FAS: variants seen among roughly 807,000 people sequenced by gnomAD.
The protein encoded by FAS is tumor necrosis factor receptor superfamily member 6.
A neutral mutation model predicts 33.2 loss-of-function variants in FAS; 5 were observed. That is an observed-to-expected ratio of 0.15 (90% CI 0.08 to 0.32). FAS has a LOEUF of 0.32. Ranked by LOEUF, FAS falls within the 10% of genes least tolerant of loss-of-function variation. The pLI, the probability that FAS is intolerant of heterozygous loss-of-function variation, is 1.00. For missense variants in FAS, 339 were observed against 386.0 expected, an observed-to-expected ratio of 0.88 and a Z score of 1.02; for synonymous variants, 131 against 130.7, an observed-to-expected ratio of 1.00 and a Z score of -0.01.
At chr10:89,010,512 G>A (rs775706219) in intron 4 of FAS, 27 bp from the exon 5 acceptor site, 24 of 1,600,232 alleles carry the variant, frequency 1.5e-5, no homozygotes, top group South Asian at 3.3e-5. Context: ...CCAGGCTTTT[G>A]AATTTCTCCT....
intron 3 of FAS, 125 bp from the exon 4 acceptor site, chr10:89,008,764 G>C: frequency 1.2e-6 from 1 of 862,722 alleles, no homozygotes; most frequent in South Asian, 1.3e-5. Flanking sequence ...TGTATTACTG[G>C]TGTCATGCTG....
chr10:88,986,067 G>T (rs933977745), upstream of FAS, among the ~76,000 whole-genome samples: 5 of 152,120 alleles, frequency 3.3e-5, no homozygotes, highest in East Asian at 9.6e-4. Context: ...AACAAAATAA[G>T]TTGACTTAAA....
chr10:89,010,113 G>A (rs1157175443), intron 4 of FAS, among the ~76,000 whole-genome samples: 2 of 152,162 alleles, frequency 1.3e-5, no homozygotes, highest in Non-Finnish European at 1.5e-5. Context: ...TACCCTCCCT[G>A]AGCTACATCA....
At chr10:89,011,090 A>G (rs1032092306) in intron 6 of FAS, 1 of 522,924 alleles carries the variant, frequency 1.9e-6, no homozygotes, top group Non-Finnish European at 3.4e-6. Flanking sequence ...GCCAAAAATC[A>G]GAAGCAATTC....
chr10:88,979,654 G>A (rs1194097477), intron 2 of FAS, among the ~76,000 whole-genome samples: 3 of 151,970 alleles, frequency 2.0e-5, no homozygotes, highest in South Asian at 4.2e-4. Flanking sequence ...GAGATGGGGC[G>A]AGAACAGCAT....
At chr10:89,013,443 T>C (rs1848630624) in intron 8 of FAS, 76 bp downstream of exon 8, 1 of 1,372,146 alleles carries the variant, frequency 7.3e-7, no homozygotes, top group African/African-American at 1.4e-5. Flanking sequence ...TAAAATAATG[T>C]TACTAATTTC....
At chr10:88,989,845 T>C (rs1847060790), upstream of FAS, among the ~76,000 whole-genome samples, 1 of 152,240 alleles carries the variant, frequency 6.6e-6, no homozygotes, top group African/African-American at 2.4e-5. Context: ...GTGTCCAGTC[T>C]GGAACTGCAT....
Position 89,007,810 on chromosome 10 carries a change from A to C in FAS, c.307A>C (p.Arg103=), listed in dbSNP as rs1848315253. The C allele has an allele frequency of 6.2e-7, 1 of 1,614,032 alleles. No individual in the cohort carries two copies. The highest frequency in any genetic ancestry group is 8.5e-7 in the Non-Finnish European group (1 of 1,179,906). Residue 103 remains arginine (R), a synonymous_variant, in exon 3 of 9, where the codon AGA becomes CGA. Transcript: ENST00000652046. ...DKAHFSSKCR[R]CRLCDEGHGL... is the part of the protein sequence containing the mutation. ...AGCCCATTTTTCTTCCAAATGCAGAAGATGTAGATTGTGTGATGAAGGACA... is the reference window on the plus strand; with the variant it reads ...AGCCCATTTTTCTTCCAAATGCAGACGATGTAGATTGTGTGATGAAGGACA...
chr10:88,972,962 T>C (rs1045185590), intron 1 of FAS, among the ~76,000 whole-genome samples: 1 of 152,242 alleles, frequency 6.6e-6, no homozygotes, highest in African/African-American at 2.4e-5. Context: ...TATGTGTTTA[T>C]ATGTGAGGGC....
rs1264612544 is a variant in FAS, at chr10:88,993,983, A to G, written c.30+3077A>G. Among the ~76,000 whole-genome samples the G allele has an allele frequency of 5.3e-5, 8 of 152,220 alleles. No homozygotes were observed. In the South Asian group the frequency reaches 1.7e-3, roughly 32 times the overall value. On this transcript the variant is annotated intron_variant, in intron 1 of 8. Coordinates refer to ENST00000652046, the MANE Select transcript of FAS (RefSeq NM_000043.6). ...ATTGATAAATGGCAGCACCCCCACT[A>G]CCAGCTATAGTTAGACTGATGAAAA...
intron 1 of FAS, among the ~76,000 whole-genome samples, chr10:88,995,703 G>C (rs1259480370): frequency 6.6e-6 from 1 of 152,098 alleles, no homozygotes; most frequent in Admixed American, 6.5e-5. Flanking sequence ...TGGCGTGCCT[G>C]TTATCTCAGC....
intron 1 of FAS, among the ~76,000 whole-genome samples, chr10:88,968,324 G>C (rs1846358186): frequency 6.6e-6 from 1 of 152,130 alleles, no homozygotes; most frequent in Admixed American, 6.6e-5. Context: ...ATGTAATACA[G>C]GTGATTCCTT....
intron 1 of FAS, chr10:88,992,665 A>G (rs1378100419): frequency 6.6e-6 from 1 of 152,248 alleles, no homozygotes; most frequent in Admixed American, 6.5e-5. Flanking sequence ...CTTATTAAAT[A>G]AAATTTATAA....
In FAS at chr10:89,014,635, C is replaced by A; in HGVS notation, c.*185C>A. The A allele has an allele frequency of 1.3e-6, 1 of 749,578 alleles. No homozygotes were observed. The highest frequency in any genetic ancestry group is 2.3e-6 in the Non-Finnish European group (1 of 432,316). 46.4% of individuals were successfully genotyped at this position (749,578 alleles called of 1,614,324 possible). A position where few individuals can be genotyped will look rare whatever the true frequency, so the allele number is the denominator to read the frequency against. ...TTCTGCCTCCAAGGATGTTTAAAAT[C>A]TAGTTGGGAAAACAAACTTCATCAA... is the stretch of plus-strand genomic sequence containing the variant. On this transcript the variant is annotated 3_prime_UTR_variant, in exon 9 of 9. Transcript: ENST00000652046.
chr10:89,013,401 G>A, intron 8 of FAS, 34 bp downstream of exon 8: 1 of 1,602,414 alleles, frequency 6.2e-7, no homozygotes, highest in Non-Finnish European at 8.5e-7. Flanking sequence ...CATAGAGATG[G>A]CATCCTTTAG....
At chr10:88,966,906 C>T (rs1014810986) in intron 1 of FAS, among the ~76,000 whole-genome samples, 14 of 152,194 alleles carry the variant, frequency 9.2e-5, no homozygotes, top group Non-Finnish European at 5.9e-5. Context: ...ATGGGAAGCA[C>T]TGGAAGCTTA....
intron 1 of FAS, among the ~76,000 whole-genome samples, chr10:89,001,799 A>G (rs1302876676): frequency 6.6e-6 from 1 of 152,200 alleles, no homozygotes; most frequent in Non-Finnish European, 1.5e-5. Flanking sequence ...AAGGGAGCAA[A>G]TGCACAGATT....
In FAS at chr10:89,014,643, G is replaced by A. The variant is rs1246869490; in HGVS notation, c.*193G>A. ...CCAAGGATGTTTAAAATCTAGTTGG[G>A]AAAACAAACTTCATCAAGAGTAAAT... On this transcript the variant is annotated 3_prime_UTR_variant, in exon 9 of 9. Transcript: ENST00000652046. The A allele has an allele frequency of 4.2e-6, 3 of 720,504 alleles. No individual in the cohort carries two copies. The highest frequency in any genetic ancestry group is 7.4e-6 in the Non-Finnish European group (3 of 406,418). The allele number at this position is 720,504 out of a possible 1,614,324, so 44.6% of individuals were successfully genotyped here. A position where few individuals can be genotyped will look rare whatever the true frequency, so the allele number is the denominator to read the frequency against.
rs774128787 is a variant in FAS, at chr10:89,012,097, G to T, written c.651+16G>T. The T allele has an allele frequency of 2.5e-6, 4 of 1,593,718 alleles. No individual in the cohort carries two copies. In the South Asian group the frequency reaches 4.4e-5, roughly 18 times the overall value. On this transcript the variant is annotated intron_variant, in intron 7 of 8. Coordinates refer to ENST00000652046, the MANE Select transcript of FAS (RefSeq NM_000043.6). ...TTTAAATCCTGTAGGTATTGAAATAGGTATCAGCTTTCCTTGAAAAGAAAA... is the reference window on the plus strand; with the variant it reads ...TTTAAATCCTGTAGGTATTGAAATATGTATCAGCTTTCCTTGAAAAGAAAA...
Sources: gnomAD v4.1 joint callset for allele counts (sites outside exome capture counted in the v4.1 genomes callset) on GRCh38, gnomAD v4.1.1 for gene constraint, MANE v1.5 for transcripts, NCBI Gene and HGNC (gene_info 2026-07-23, HGNC 2026-07-21) for gene names.